ADGRB3: variants seen among roughly 807,000 people sequenced by gnomAD.
The protein encoded by ADGRB3 is adhesion G protein-coupled receptor B3.
A neutral mutation model predicts 193.4 loss-of-function variants in ADGRB3; 37 were observed. The ratio of observed to expected loss-of-function variants is 0.19; its 90% CI spans 0.15 to 0.25. The LOEUF (loss-of-function observed/expected upper bound fraction) is 0.25, where lower values mean the gene tolerates loss of function less well. Among genes scored for constraint, ADGRB3 ranks in the 10% least tolerant of loss-of-function variants. The pLI, the probability that ADGRB3 is intolerant of heterozygous loss-of-function variation, is 1.00. For synonymous variants in ADGRB3, 690 were observed against 644.2 expected, an observed-to-expected ratio of 1.07 and a Z score of -1.08; for missense variants, 1,637 against 1,852.9, an observed-to-expected ratio of 0.88 and a Z score of 2.14.
At chr6:68,765,513 T>C (rs1766491566) in intron 3 of ADGRB3, among the ~76,000 whole-genome samples, 1 of 149,714 alleles carries the variant, frequency 6.7e-6, no homozygotes, top group African/African-American at 2.5e-5. Context: ...CAAAAACCTT[T>C]CTTGTCCTGT....
intron 3 of ADGRB3, among the ~76,000 whole-genome samples, chr6:68,675,814 G>C (rs911055300): frequency 1.3e-5 from 2 of 152,242 alleles, no homozygotes; most frequent in East Asian, 3.9e-4. Flanking sequence ...CCCTAGTGGC[G>C]AAGCTTCAGA....
intron 10 of ADGRB3, among the ~76,000 whole-genome samples, chr6:68,986,405 G>A (rs376425448): frequency 6.6e-6 from 1 of 152,060 alleles, no homozygotes; most frequent in East Asian, 1.9e-4. Flanking sequence ...CTATCATATC[G>A]TCTCCAGACA....
chr6:69,178,211 G>A (rs995953705), intron 17 of ADGRB3, among the ~76,000 whole-genome samples: 1 of 151,916 alleles, frequency 6.6e-6, no homozygotes, highest in Non-Finnish European at 1.5e-5. Flanking sequence ...TTTTACTTTG[G>A]TTGGTTTAAA....
intron 19 of ADGRB3, among the ~76,000 whole-genome samples, chr6:69,236,052 G>A (rs1404938838): frequency 1.3e-5 from 2 of 151,750 alleles, no homozygotes; most frequent in African/African-American, 2.4e-5. Flanking sequence ...AGATATTTCT[G>A]CCTCAGAAAT....
intron 3 of ADGRB3, among the ~76,000 whole-genome samples, chr6:68,679,784 G>T (rs1266028383): frequency 6.6e-6 from 1 of 151,982 alleles, no homozygotes; most frequent in East Asian, 1.9e-4. Context: ...CAATAGAAAA[G>T]CATCATTTAA....
At chr6:68,845,949 G>A (rs1228712165) in intron 3 of ADGRB3, among the ~76,000 whole-genome samples, 1 of 152,108 alleles carries the variant, frequency 6.6e-6, no homozygotes, top group Non-Finnish European at 1.5e-5. Flanking sequence ...GGAAAATGTG[G>A]GAAAGTTTAG....
chr6:68,805,881 A>G lies in ADGRB3; in HGVS notation c.758-124678A>G, dbSNP rs190566972. On this transcript the variant is annotated intron_variant, in intron 3 of 31. Transcript: ENST00000370598. ...ATAAATGTTTAATATTTGATACAACACAATGTATTAAAAAGTTAAGATGCA... is the reference window on the plus strand; with the variant it reads ...ATAAATGTTTAATATTTGATACAACGCAATGTATTAAAAAGTTAAGATGCA... Among the ~76,000 whole-genome samples the G allele has an allele frequency of 7.6e-3, 1,157 of 151,996 alleles. 9 individuals carry two copies. The highest frequency in any genetic ancestry group is 0.026 in the African/African-American group (1,091 of 41,340).
At chr6:68,934,610 C>T (rs921517637) in intron 4 of ADGRB3, among the ~76,000 whole-genome samples, 6 of 152,104 alleles carry the variant, frequency 3.9e-5, no homozygotes, top group African/African-American at 1.4e-4. Context: ...AATATTTATA[C>T]CTCACTTAAT....
At chr6:69,259,496 C>A (rs544800940) in intron 20 of ADGRB3, among the ~76,000 whole-genome samples, 1 of 152,098 alleles carries the variant, frequency 6.6e-6, no homozygotes, top group Non-Finnish European at 1.5e-5. Context: ...GAGATCGAGA[C>A]CATCCTGGCT....
At chr6:68,812,824 A>ACCCCCCCCCAC (rs551804466) in intron 3 of ADGRB3, among the ~76,000 whole-genome samples, 1 of 132,250 alleles carries the variant, frequency 7.6e-6, no homozygotes, top group African/African-American at 2.9e-5. Context: ...TCCCTCCCCT[A>ACCCCCCCCCAC]GCCCCCCAAC....
At chr6:69,153,026 G>A (rs1471626919) in intron 17 of ADGRB3, among the ~76,000 whole-genome samples, 1 of 152,084 alleles carries the variant, frequency 6.6e-6, no homozygotes, top group East Asian at 1.9e-4. Flanking sequence ...TAAGCTTAGA[G>A]TCATAAGCAA....
At chr6:68,967,075 C>A (rs1294556717) in intron 8 of ADGRB3, among the ~76,000 whole-genome samples, 1 of 152,060 alleles carries the variant, frequency 6.6e-6, no homozygotes, top group African/African-American at 2.4e-5. Context: ...AGCTGAAAAC[C>A]CTGGACCAGT....
rs565901542 is a variant in ADGRB3, at chr6:69,381,269, G to A, written c.4276-1562G>A. Among the ~76,000 whole-genome samples the A allele has an allele frequency of 4.6e-5, 7 of 151,872 alleles. No homozygotes were observed. In the South Asian group the frequency reaches 8.3e-4, roughly 18 times the overall value. On this transcript the variant is annotated intron_variant, in intron 30 of 31. Transcript: ENST00000370598. ...GTTTCTCTGTTAATCCTGCAAATCC[G>A]TTTTGTATATTCCCCCCCAAACTGA... is the stretch of plus-strand genomic sequence containing the variant.
intron 10 of ADGRB3, among the ~76,000 whole-genome samples, chr6:68,975,605 T>C (rs1768720095): frequency 6.6e-6 from 1 of 152,214 alleles, no homozygotes; most frequent in African/African-American, 2.4e-5. Flanking sequence ...CAAAATCTGT[T>C]ATTCAGTTTT....
chr6:68,787,007 A>G (rs1031145660), intron 3 of ADGRB3, among the ~76,000 whole-genome samples: 1 of 152,156 alleles, frequency 6.6e-6, no homozygotes, highest in African/African-American at 2.4e-5. Flanking sequence ...TTGATTTTGT[A>G]TCCTGAGACT....
intron 17 of ADGRB3, 199 bp from the exon 18 acceptor site, chr6:69,233,091 T>G: frequency 1.4e-6 from 1 of 721,630 alleles, no homozygotes; most frequent in Non-Finnish European, 2.2e-6. Flanking sequence ...CACCGCCGCC[T>G]GCTTGCTTTT....
intron 10 of ADGRB3, among the ~76,000 whole-genome samples, chr6:68,985,464 G>A (rs970579175): frequency 6.6e-6 from 1 of 152,106 alleles, no homozygotes; most frequent in Non-Finnish European, 1.5e-5. Flanking sequence ...TATTATATTA[G>A]GTGATATCTG....
intron 3 of ADGRB3, among the ~76,000 whole-genome samples, chr6:68,829,657 T>C (rs1162665114): frequency 6.6e-6 from 1 of 152,166 alleles, no homozygotes; most frequent in Non-Finnish European, 1.5e-5. Context: ...TTTTTATAAA[T>C]GTAAAACAAA....
intron 23 of ADGRB3, 26 bp from the exon 24 acceptor site, chr6:69,332,897 A>T: frequency 6.2e-7 from 1 of 1,610,934 alleles, no homozygotes. Context: ...TATCATTGAA[A>T]GGTCAACTTT....
Sources: allele counts gnomAD v4.1 joint callset (sites outside exome capture counted in the v4.1 genomes callset), GRCh38; gene constraint gnomAD v4.1.1; transcripts MANE v1.5; gene names NCBI Gene and HGNC (gene_info 2026-07-23, HGNC 2026-07-21).